SV2C: variants seen among roughly 807,000 people sequenced by gnomAD.
SV2C encodes solute carrier family 22 member B3.
Under a neutral mutation model 79.7 loss-of-function variants are expected in SV2C, and 49 were observed. That is an observed-to-expected ratio of 0.61 (90% CI 0.49 to 0.78). SV2C has a LOEUF of 0.78. Among genes scored for constraint, SV2C ranks in the 30% least tolerant of loss-of-function variants. SV2C has a pLI of 0.00. For missense variants in SV2C, 833 were observed against 912.9 expected, an observed-to-expected ratio of 0.91 and a Z score of 1.13; for synonymous variants, 334 against 333.2, an observed-to-expected ratio of 1.00 and a Z score of -0.03.
chr5:75,856,590 T>A, the SV2C span, among the ~76,000 whole-genome samples: 788 of 152,324 alleles, frequency 5.2e-3, 6 homozygotes, highest in Non-Finnish European at 7.4e-3. Flanking sequence ...TTGTATGTCT[T>A]CTTTTGAAAA....
rs1749061949 is a variant in SV2C at position 76,328,015 on chromosome 5, T to A, written c.*2468T>A. ...CTGGACAGTCTGTGGTCACAAACCT[T>A]CTTGGTCACCACCTCTCCCACCTTT... On this transcript the variant is annotated 3_prime_UTR_variant, in exon 13 of 13. Transcript: ENST00000502798. 1.3e-5 allele frequency: 2 copies of A among 152,242 alleles called. No individual in the cohort carries two copies. The highest frequency in any genetic ancestry group is 4.8e-5 in the African/African-American group (2 of 41,448). The allele number at this position is 152,242 out of a possible 1,614,324, so 9.4% of individuals were successfully genotyped here. A position where few individuals can be genotyped will look rare whatever the true frequency, so the allele number is the denominator to read the frequency against.
At chr5:76,260,287 G>T (rs1395317921) in intron 4 of SV2C, among the ~76,000 whole-genome samples, 1 of 152,052 alleles carries the variant, frequency 6.6e-6, no homozygotes, top group African/African-American at 2.4e-5. Flanking sequence ...TTTTGATGAG[G>T]TCGTTTATTT....
chr5:76,145,739 C>T (rs572595126), intron 2 of SV2C, among the ~76,000 whole-genome samples: 2 of 152,288 alleles, frequency 1.3e-5, no homozygotes, highest in Admixed American at 1.3e-4. Flanking sequence ...TTCCTAATGA[C>T]TAAATTAAAC....
At chr5:76,022,793 C>T in the SV2C span, among the ~76,000 whole-genome samples, 1 of 152,164 alleles carries the variant, frequency 6.6e-6, no homozygotes, top group Non-Finnish European at 1.5e-5. Context: ...CATGAAATCA[C>T]TTTATGTGCT....
chr5:75,925,272 C>T, the SV2C span, among the ~76,000 whole-genome samples: 6 of 152,194 alleles, frequency 3.9e-5, no homozygotes, highest in African/African-American at 1.4e-4. Context: ...ACTTGAGCAC[C>T]TCTGACCCCA....
At chr5:76,270,763 TTTATTTTTA>T (rs1257912277) in intron 4 of SV2C, among the ~76,000 whole-genome samples, 1 of 151,576 alleles carries the variant, frequency 6.6e-6, no homozygotes, top group Non-Finnish European at 1.5e-5. Context: ...TATTTATTTA[TTTATTTTTA>T]TTATTTTTTT....
At chr5:76,200,856 G>T (rs1400883211) in intron 3 of SV2C, among the ~76,000 whole-genome samples, 2 of 152,128 alleles carry the variant, frequency 1.3e-5, no homozygotes, top group East Asian at 1.9e-4. Flanking sequence ...TGCCAAGGCT[G>T]GTTTCAAACT....
At chr5:76,195,956 C>T (rs1197054699) in intron 3 of SV2C, among the ~76,000 whole-genome samples, 1 of 151,836 alleles carries the variant, frequency 6.6e-6, no homozygotes. Context: ...TGATTAAGAA[C>T]TTAGAGACTT....
In SV2C at chr5:76,289,850, A is replaced by G. The variant is rs77153363; in HGVS notation, c.1138-1371A>G. 6.5e-4 allele frequency among the ~76,000 whole-genome samples: 99 copies of G among 152,134 alleles called. 1 individual carries two copies. The East Asian group carries it at 0.016, about 25-fold the overall frequency. On this transcript the variant is annotated intron_variant, in intron 6 of 12. Coordinates refer to ENST00000502798, the MANE Select transcript of SV2C (RefSeq NM_014979.4). ...CTGCAGTTCCTGAAGCCTCTCTCTC[A>G]CTTCCAGGTTAAGTAGGTTGTTCTG...
At chr5:75,902,030 C>T in the SV2C span, among the ~76,000 whole-genome samples, 1,024 of 152,362 alleles carry the variant, frequency 6.7e-3, 3 homozygotes, top group Non-Finnish European at 0.011. Context: ...TCCCTGACCC[C>T]TTGCACTTCC....
chr5:75,955,003 C>T, the SV2C span, among the ~76,000 whole-genome samples: 2 of 146,058 alleles, frequency 1.4e-5, no homozygotes, highest in African/African-American at 2.7e-5. Context: ...CCATCCCCAT[C>T]AAGCTACCAA....
chr5:76,309,231 A>T lies in SV2C; in HGVS notation c.2000+7686A>T, dbSNP rs534798343. Among the ~76,000 whole-genome samples, 82 of 152,278 alleles carry T rather than the reference A, an allele frequency of 5.4e-4. 2 individuals carry two copies. In the South Asian group the frequency reaches 0.017, roughly 31 times the overall value. On this transcript the variant is annotated intron_variant, in intron 12 of 12. Transcript: ENST00000502798. The stretch of plus-strand genomic sequence containing the variant: ...TTTGAGCTGTCTTACAGAGAATGAC[A>T]AGATCATTCTTGGCCTTTAGAGAGC...
chr5:76,133,866 G>A (rs1748983046), intron 2 of SV2C, among the ~76,000 whole-genome samples: 1 of 152,060 alleles, frequency 6.6e-6, no homozygotes. Context: ...TTTGCTAAAG[G>A]AATATGTCAG....
chr5:76,244,056 C>T (rs981841207), intron 4 of SV2C, among the ~76,000 whole-genome samples: 1 of 152,204 alleles, frequency 6.6e-6, no homozygotes. Context: ...AAATAGCACA[C>T]CCATTCTCAG....
chr5:75,970,485 A>G, the SV2C span, among the ~76,000 whole-genome samples: 3 of 152,146 alleles, frequency 2.0e-5, no homozygotes, highest in South Asian at 6.2e-4. Context: ...AAAATGACAA[A>G]GGGGATATCA....
At chr5:76,226,241 G>A (rs966839896) in intron 4 of SV2C, among the ~76,000 whole-genome samples, 1 of 151,382 alleles carries the variant, frequency 6.6e-6, no homozygotes, top group Admixed American at 6.6e-5. Context: ...AGAGTCCCAG[G>A]GGTCTTGGCT....
the SV2C span, among the ~76,000 whole-genome samples, chr5:75,957,105 C>A: frequency 6.6e-6 from 1 of 151,894 alleles, no homozygotes; most frequent in African/African-American, 2.4e-5. Context: ...TAGCAGCTGG[C>A]AGAAGCTTTA....
intron 2 of SV2C, among the ~76,000 whole-genome samples, chr5:76,181,107 C>T (rs1204116386): frequency 6.6e-6 from 1 of 152,176 alleles, no homozygotes; most frequent in Non-Finnish European, 1.5e-5. Context: ...ATCCCCCTAC[C>T]TGTTCAATTA....
intron 4 of SV2C, among the ~76,000 whole-genome samples, chr5:76,272,771 C>T (rs1212904319): frequency 6.6e-6 from 1 of 152,056 alleles, no homozygotes; most frequent in African/African-American, 2.4e-5. Flanking sequence ...AACTTTCTAC[C>T]CAATGTAAGA....
Sources: allele counts gnomAD v4.1 joint callset (sites outside exome capture counted in the v4.1 genomes callset), GRCh38; gene constraint gnomAD v4.1.1; transcripts MANE v1.5; gene names NCBI Gene and HGNC (gene_info 2026-07-23, HGNC 2026-07-21).